The following SAMMSON variants were observed in gnomAD, a reference collection of about 807,000 sequenced individuals.
The protein encoded by SAMMSON is long intergenic non-protein coding RNA 1212.
chr3:70,036,545 C>T (rs2067085789), intron 3 of SAMMSON, among the ~76,000 whole-genome samples: 1 of 152,114 alleles, frequency 6.6e-6, no homozygotes, highest in Admixed American at 6.6e-5. Flanking sequence ...AAGTTGGACC[C>T]AGGACTTTTG....
chr3:70,386,675 T>TATTA (rs538974448), intron 9 of SAMMSON, among the ~76,000 whole-genome samples: 79 of 152,180 alleles, frequency 5.2e-4, no homozygotes, highest in Admixed American at 1.2e-3. Flanking sequence ...CAGCAATGGT[T>TATTA]ATTAATTGAG....
intron 4 of SAMMSON, among the ~76,000 whole-genome samples, chr3:70,150,638 A>G (rs913096937): frequency 2.6e-5 from 4 of 152,146 alleles, no homozygotes; most frequent in Admixed American, 6.5e-5. Context: ...AAAAATAGCT[A>G]TTTACTTTGT....
intron 4 of SAMMSON, chr3:70,137,720 T>C (rs934163799): frequency 2.0e-5 from 3 of 152,226 alleles, no homozygotes; most frequent in Non-Finnish European, 2.9e-5. Context: ...AATTTTAACA[T>C]TTTATGTTTT....
At chr3:70,127,618 T>G (rs536372325) in intron 4 of SAMMSON, 2 of 152,328 alleles carry the variant, frequency 1.3e-5, no homozygotes, top group Non-Finnish European at 2.9e-5. Context: ...CTATTTGCCA[T>G]AACTAAATTA....
chr3:70,193,862 C>G (rs932913774), intron 4 of SAMMSON, among the ~76,000 whole-genome samples: 1 of 152,110 alleles, frequency 6.6e-6, no homozygotes, highest in Admixed American at 6.5e-5. Context: ...ATACATTTAT[C>G]CTTGAAAAAA....
chr3:70,185,363 C>T (rs962784076), intron 4 of SAMMSON, among the ~76,000 whole-genome samples: 7 of 152,088 alleles, frequency 4.6e-5, no homozygotes, highest in African/African-American at 9.7e-5. Context: ...AAGTTTCATA[C>T]GGGAGCTCAC....
At chr3:70,365,806 C>T (rs998726458) in intron 9 of SAMMSON, among the ~76,000 whole-genome samples, 1 of 151,628 alleles carries the variant, frequency 6.6e-6, no homozygotes, top group African/African-American at 2.4e-5. Flanking sequence ...TTGTCACTTT[C>T]TTCAATTTTT....
intron 4 of SAMMSON, chr3:70,126,213 A>G: frequency 1.2e-5 from 13 of 1,092,600 alleles, no homozygotes; most frequent in African/African-American, 6.1e-5. Context: ...TTAAATAACC[A>G]ATTCTTTCTT....
intron 9 of SAMMSON, among the ~76,000 whole-genome samples, chr3:70,361,055 T>C (rs2106739970): frequency 6.6e-6 from 1 of 152,242 alleles, no homozygotes; most frequent in African/African-American, 2.4e-5. Context: ...ATAAGAAAAC[T>C]CAGCCTCAGA....
At chr3:70,162,876 T>C (rs1213645372) in intron 4 of SAMMSON, among the ~76,000 whole-genome samples, 1 of 151,966 alleles carries the variant, frequency 6.6e-6, no homozygotes, top group Non-Finnish European at 1.5e-5. Context: ...GATTAGTTTA[T>C]CATTATAAAA....
At position 70,129,739 on chromosome 3, in the gene SAMMSON, G is replaced by T. The variant is rs185684357; in HGVS notation, n.507+58174G>T. ...ATTTTCCATAATGAATGAATGTATA[G>T]CTATAGCTATATATTCCATCCCACA... On this transcript the variant is annotated intron_variant and non_coding_transcript_variant, in intron 4 of 9. Transcript: ENST00000642114. Among the ~76,000 whole-genome samples, 160 of 152,190 alleles carry T rather than the reference G, an allele frequency of 1.1e-3. 1 individual carries two copies. The highest frequency in any genetic ancestry group is 9.4e-4 in the Non-Finnish European group (64 of 67,996).
intron 6 of SAMMSON, among the ~76,000 whole-genome samples, chr3:70,250,934 A>T (rs1287319932): frequency 1.3e-5 from 2 of 152,248 alleles, no homozygotes; most frequent in Non-Finnish European, 2.9e-5. Flanking sequence ...ATAAAATTTA[A>T]TCTATTTAGA....
chr3:70,271,183 G>A (rs6549318), intron 6 of SAMMSON, among the ~76,000 whole-genome samples: 48,864 of 151,932 alleles, frequency 0.32, 8,250 homozygotes, highest in East Asian at 0.49. Context: ...AATGACTTTT[G>A]CACCAACCTA....
At chr3:70,024,221 G>A (rs1199198484) in intron 3 of SAMMSON, among the ~76,000 whole-genome samples, 4 of 152,144 alleles carry the variant, frequency 2.6e-5, no homozygotes, top group Non-Finnish European at 5.9e-5. Flanking sequence ...TAGACATATA[G>A]TGGAAATGGA....
intron 4 of SAMMSON, chr3:70,140,585 T>C (rs1193091829): frequency 1.3e-5 from 2 of 152,502 alleles, no homozygotes; most frequent in Non-Finnish European, 1.5e-5. Context: ...TGTGTAACTG[T>C]AAGTTTATAT....
chr3:70,170,287 C>G (rs951592250), intron 4 of SAMMSON, among the ~76,000 whole-genome samples: 10 of 151,250 alleles, frequency 6.6e-5, no homozygotes, highest in Non-Finnish European at 1.2e-4. Flanking sequence ...AAAAATGAAA[C>G]AGGTACTTTT....
intron 3 of SAMMSON, among the ~76,000 whole-genome samples, chr3:70,039,560 A>G (rs1012717792): frequency 3.3e-5 from 5 of 149,702 alleles, no homozygotes; most frequent in African/African-American, 1.2e-4. Flanking sequence ...CATAATTGCA[A>G]TCGTGTGATC....
intron 3 of SAMMSON, among the ~76,000 whole-genome samples, chr3:70,026,917 G>A (rs923980770): frequency 1.3e-5 from 2 of 152,242 alleles, no homozygotes; most frequent in Admixed American, 1.3e-4. Flanking sequence ...GGTGGAATAA[G>A]GCAACAAATT....
At chr3:70,133,098 C>G (rs2067489293) in intron 4 of SAMMSON, among the ~76,000 whole-genome samples, 1 of 152,160 alleles carries the variant, frequency 6.6e-6, no homozygotes, top group African/African-American at 2.4e-5. Context: ...TCTGGAATCT[C>G]TGAAGTGATA....
Sources: allele counts gnomAD v4.1 joint callset (sites outside exome capture counted in the v4.1 genomes callset), GRCh38; gene constraint gnomAD v4.1.1; transcripts MANE v1.5; gene names NCBI Gene and HGNC (gene_info 2026-07-23, HGNC 2026-07-21).